The following ARHGAP12 variants were observed in gnomAD, a reference collection of about 807,000 sequenced individuals.
ARHGAP12 encodes rho GTPase-activating protein 12.
A neutral mutation model predicts 108.6 loss-of-function variants in ARHGAP12; 64 were observed. The observed-to-expected ratio is 0.59, with a 90% CI of 0.48 to 0.73. The LOEUF (loss-of-function observed/expected upper bound fraction) is 0.73, where lower values mean the gene tolerates loss of function less well. Among genes scored for constraint, ARHGAP12 ranks in the 30% least tolerant of loss-of-function variants. ARHGAP12 has a pLI of 0.00. For missense variants in ARHGAP12, 940 were observed against 1,005.9 expected, an observed-to-expected ratio of 0.93 and a Z score of 0.89; for synonymous variants, 312 against 337.2, an observed-to-expected ratio of 0.93 and a Z score of 0.82.
chr10:31,896,808 A>G (rs1409348698), intron 3 of ARHGAP12, among the ~76,000 whole-genome samples: 1 of 152,196 alleles, frequency 6.6e-6, no homozygotes, highest in African/African-American at 2.4e-5. Flanking sequence ...CCTAACACCA[A>G]GATAAAAGCT....
intron 4 of ARHGAP12, among the ~76,000 whole-genome samples, chr10:31,856,460 T>G (rs570960515): frequency 2.1e-4 from 32 of 152,234 alleles, no homozygotes; most frequent in African/African-American, 7.7e-4. Flanking sequence ...GGTGAACCAT[T>G]AACAAATTTT....
chr10:31,893,681 G>A (rs1461410574), intron 3 of ARHGAP12, among the ~76,000 whole-genome samples: 1 of 152,134 alleles, frequency 6.6e-6, no homozygotes, highest in East Asian at 1.9e-4. Flanking sequence ...GGAGGAGCTG[G>A]TACCATTTCT....
At chr10:31,925,259 G>A (rs890197304) in intron 1 of ARHGAP12, among the ~76,000 whole-genome samples, 3 of 152,180 alleles carry the variant, frequency 2.0e-5, no homozygotes, top group African/African-American at 7.2e-5. Context: ...CAAACAAGCT[G>A]TAGCAGTACA....
At chr10:31,889,598 TTTC>T (rs1261593713) in intron 3 of ARHGAP12, among the ~76,000 whole-genome samples, 5 of 151,470 alleles carry the variant, frequency 3.3e-5, no homozygotes, top group Admixed American at 6.6e-5. Context: ...GGATTTTGAT[TTTC>T]TTTTCTTAAT....
At chr10:31,902,671 A>G (rs74527191) in intron 3 of ARHGAP12, among the ~76,000 whole-genome samples, 2 of 142,464 alleles carry the variant, frequency 1.4e-5, no homozygotes, top group African/African-American at 5.1e-5. Flanking sequence ...ACCCCATCTC[A>G]AAAAAAAAAA....
chr10:31,917,684 T>C (rs1382130230), intron 1 of ARHGAP12, among the ~76,000 whole-genome samples: 2 of 152,204 alleles, frequency 1.3e-5, no homozygotes, highest in African/African-American at 4.8e-5. Context: ...CAAAGGCAAA[T>C]ACATCTGTTA....
At chr10:31,849,225 T>C (rs1836580300) in intron 6 of ARHGAP12, among the ~76,000 whole-genome samples, 2 of 152,094 alleles carry the variant, frequency 1.3e-5, no homozygotes, top group Admixed American at 6.6e-5. Flanking sequence ...CTCCATTTAC[T>C]CTCCTTTATT....
intron 6 of ARHGAP12, among the ~76,000 whole-genome samples, chr10:31,851,220 T>A (rs1333894208): frequency 1.3e-5 from 2 of 152,188 alleles, no homozygotes; most frequent in African/African-American, 4.8e-5. Flanking sequence ...CCGTAATTAA[T>A]TTAAACAATA....
At chr10:31,868,061 G>A (rs1042404675) in intron 3 of ARHGAP12, among the ~76,000 whole-genome samples, 4 of 151,998 alleles carry the variant, frequency 2.6e-5, no homozygotes, top group East Asian at 3.9e-4. Flanking sequence ...TTAGCTGGGC[G>A]TGGTGGTGCA....
chr10:31,925,962 C>CT (rs535122273), intron 1 of ARHGAP12, among the ~76,000 whole-genome samples: 1 of 152,162 alleles, frequency 6.6e-6, no homozygotes, highest in Non-Finnish European at 1.5e-5. Flanking sequence ...ATTTATTTCA[C>CT]TTTTTTTCCA....
intron 3 of ARHGAP12, among the ~76,000 whole-genome samples, chr10:31,872,848 CA>C (rs1304383629): frequency 2.0e-5 from 3 of 152,110 alleles, no homozygotes; most frequent in African/African-American, 7.2e-5. Context: ...TTATTTGTTC[CA>C]AAATTCCCAT....
At chr10:31,824,305 A>C (rs1350611425) in intron 11 of ARHGAP12, among the ~76,000 whole-genome samples, 1 of 152,190 alleles carries the variant, frequency 6.6e-6, no homozygotes, top group Non-Finnish European at 1.5e-5. Flanking sequence ...TTTTAAAATT[A>C]TACCTGTCTG....
At chr10:31,836,940 A>T (rs971703894) in intron 9 of ARHGAP12, among the ~76,000 whole-genome samples, 1 of 152,124 alleles carries the variant, frequency 6.6e-6, no homozygotes, top group Non-Finnish European at 1.5e-5. Flanking sequence ...TTTTTCACCT[A>T]AAGGTAAAAA....
intron 1 of ARHGAP12, among the ~76,000 whole-genome samples, chr10:31,918,965 T>C (rs7095716): frequency 0.92 from 140,791 of 152,306 alleles, 65,144 homozygotes; most frequent in East Asian, 1. Context: ...ATCACAATAG[T>C]CAAAAAGTGG....
rs142756336 is a variant in ARHGAP12 at position 31,913,599 on chromosome 10, T to C, written c.-110-3036A>G. 4.2e-4 allele frequency: 69 copies of C among 162,870 alleles called. 1 individual carries two copies. In the East Asian group the frequency reaches 1.0e-2, roughly 24 times the overall value. The allele number at this position is 162,870 out of a possible 1,614,324, so 10.1% of individuals were successfully genotyped here. On this transcript the variant is annotated intron_variant, in intron 1 of 19. Coordinates refer to ENST00000344936, the MANE Select transcript of ARHGAP12 (RefSeq NM_018287.7). The stretch of plus-strand genomic sequence containing the variant: ...TGAAGGAAAAATACAAAAAGGATAT[T>C]GCTGCATACCAAGCTAAAGGAAAGC...
intron 1 of ARHGAP12, among the ~76,000 whole-genome samples, chr10:31,923,132 G>GTTAAAAAA: frequency 1.2e-5 from 1 of 83,214 alleles, no homozygotes; most frequent in African/African-American, 5.5e-5. Flanking sequence ...ACCCTAACAG[G>GTTAAAAAA]AAAAAAAAAA....
intron 1 of ARHGAP12, among the ~76,000 whole-genome samples, chr10:31,914,174 A>G (rs1263115225): frequency 6.6e-6 from 1 of 152,222 alleles, no homozygotes; most frequent in African/African-American, 2.4e-5. Flanking sequence ...GAAAATAATA[A>G]TAATGCCATT....
At chr10:31,897,467 CA>C (rs551821295) in intron 3 of ARHGAP12, among the ~76,000 whole-genome samples, 236 of 152,124 alleles carry the variant, frequency 1.6e-3, no homozygotes, top group Non-Finnish European at 2.3e-3. Flanking sequence ...AACTGAGGGG[CA>C]CAGGGTGGGA....
chr10:31,814,295 TATC>T lies in ARHGAP12; in HGVS notation c.1795_1797del (p.Asp599del). On this transcript the variant is annotated inframe_deletion, in exon 14 of 20. Coordinates refer to ENST00000344936, the MANE Select transcript of ARHGAP12 (RefSeq NM_018287.7). ...TTGGGATCCTTTTGTTCCTTTTCTT[TATC>T]ATGCTTTTCTATTCCTGGTGAATCC... 5 of 1,614,138 alleles carry T rather than the reference TATC, an allele frequency of 3.1e-6. No homozygotes were observed. Among genetic ancestry groups the T allele is most frequent in the Non-Finnish European group, 4.2e-6 (5 of 1,179,994 alleles).
Sources: gnomAD v4.1 joint callset for allele counts (sites outside exome capture counted in the v4.1 genomes callset) on GRCh38, gnomAD v4.1.1 for gene constraint, MANE v1.5 for transcripts, NCBI Gene and HGNC (gene_info 2026-07-23, HGNC 2026-07-21) for gene names.